Variants in SHQ1 observed in about 807,000 individuals in gnomAD.
The protein encoded by SHQ1 is SHQ1, H/ACA ribonucleoprotein assembly factor, also known as protein SHQ1 homolog.
SHQ1 carries 49 observed loss-of-function variants against 53.8 expected under a neutral mutation model. The ratio of observed to expected loss-of-function variants is 0.91; its 90% CI spans 0.72 to 1.16. The LOEUF is 1.16. Among genes scored for constraint, SHQ1 ranks in the 50% most tolerant of loss-of-function variants. SHQ1 has a pLI of 0.00. For synonymous variants in SHQ1, 243 were observed against 251.0 expected, an observed-to-expected ratio of 0.97 and a Z score of 0.30; for missense variants, 738 against 683.1, an observed-to-expected ratio of 1.08 and a Z score of -0.90.
intron 10 of SHQ1, chr3:72,772,936 G>C: frequency 1.1e-6 from 1 of 871,240 alleles, no homozygotes; most frequent in Non-Finnish European, 1.9e-6. Flanking sequence ...TGACCAGCAT[G>C]AAGAATCGGA....
chr3:72,812,923 A>AG (rs576861735), intron 8 of SHQ1, 129 bp from the exon 9 acceptor site: 54 of 927,434 alleles, frequency 5.8e-5, no homozygotes, highest in Non-Finnish European at 6.6e-5. Context: ...CAAGTAGAAG[A>AG]GAAACATAAA....
At chr3:72,814,637 T>C (rs965860563) in intron 8 of SHQ1, 2 of 152,238 alleles carry the variant, frequency 1.3e-5, no homozygotes, top group Non-Finnish European at 2.9e-5. Flanking sequence ...ACTGATGATA[T>C]AATCTCGATA....
At chr3:72,803,737 G>A (rs1706859715) in intron 9 of SHQ1, among the ~76,000 whole-genome samples, 2 of 152,328 alleles carry the variant, frequency 1.3e-5, no homozygotes, top group South Asian at 4.1e-4. Flanking sequence ...CAATATGTAA[G>A]TGAATGAGCC....
At chr3:72,763,694 G>A (rs964288872) in intron 10 of SHQ1, among the ~76,000 whole-genome samples, 2 of 152,224 alleles carry the variant, frequency 1.3e-5, no homozygotes, top group African/African-American at 4.8e-5. Context: ...GAAGACAGAG[G>A]CAGAGATTGG....
chr3:72,727,390 C>A, the SHQ1 span, among the ~76,000 whole-genome samples: 1 of 152,104 alleles, frequency 6.6e-6, no homozygotes, highest in East Asian at 1.9e-4. Flanking sequence ...AACAACCCTC[C>A]GGAGGTCTAC....
chr3:72,812,018 A>C (rs911284437), intron 9 of SHQ1, among the ~76,000 whole-genome samples: 1 of 152,218 alleles, frequency 6.6e-6, no homozygotes, highest in East Asian at 1.9e-4. Context: ...TTATATACTT[A>C]TTCTAATGAT....
chr3:72,772,734 T>C (rs1312048262), intron 10 of SHQ1: 5 of 741,280 alleles, frequency 6.7e-6, no homozygotes, highest in Non-Finnish European at 1.3e-5. Flanking sequence ...CTATTGATGC[T>C]ACTCCCGTGG....
intron 5 of SHQ1, among the ~76,000 whole-genome samples, chr3:72,830,976 G>A (rs1181186095): frequency 1.3e-5 from 2 of 152,282 alleles, no homozygotes; most frequent in East Asian, 3.9e-4. Context: ...TGAAATTTCA[G>A]TCTTGTAAAG....
chr3:72,761,890 A>C (rs1463019734), intron 10 of SHQ1, among the ~76,000 whole-genome samples: 1 of 152,190 alleles, frequency 6.6e-6, no homozygotes, highest in Non-Finnish European at 1.5e-5. Context: ...TTATATAGAG[A>C]GTCATTTACT....
In SHQ1 at chr3:72,844,309, A is replaced by G. The variant is rs11929435; in HGVS notation, c.208+50T>C. On this transcript the variant is annotated intron_variant, in intron 2 of 10. Coordinates refer to ENST00000325599, the MANE Select transcript of SHQ1 (RefSeq NM_018130.3). ...TATCTTGTAAGATTATTATGTAAATAATGTGAAAAATCCCAAGAAATAAAC... is the reference window on the plus strand; with the variant it reads ...TATCTTGTAAGATTATTATGTAAATGATGTGAAAAATCCCAAGAAATAAAC... The G allele has an allele frequency of 3.4e-6, 5 of 1,452,622 alleles. No individual in the cohort carries two copies. The African/African-American group carries it at 7.0e-5, about 20-fold the overall frequency. 90.0% of individuals were successfully genotyped at this position (1,452,622 alleles called of 1,614,324 possible).
At chr3:72,846,158 T>A (rs553389560) in intron 1 of SHQ1, 1 of 1,507,806 alleles carries the variant, frequency 6.6e-7, no homozygotes, top group East Asian at 2.5e-5. Context: ...TCCCTTCCCC[T>A]AAACTCTATA....
intron 9 of SHQ1, chr3:72,793,480 C>T (rs1706507094): frequency 1.4e-5 from 2 of 146,472 alleles, no homozygotes; most frequent in African/African-American, 5.1e-5. Context: ...GCACTCCAGC[C>T]TGGGCGACAG....
chr3:72,836,357 C>T (rs1054269595), intron 4 of SHQ1, among the ~76,000 whole-genome samples: 6 of 152,096 alleles, frequency 3.9e-5, no homozygotes, highest in African/African-American at 7.2e-5. Flanking sequence ...GGTGTGGTGG[C>T]GGGCACCTGT....
chr3:72,771,967 T>G (rs1367514377), intron 10 of SHQ1, among the ~76,000 whole-genome samples: 6 of 152,150 alleles, frequency 3.9e-5, no homozygotes, highest in African/African-American at 1.4e-4. Flanking sequence ...GAGTCAGCCA[T>G]GCCAAGACTA....
Position 72,848,300 on chromosome 3 carries a change from A to G in SHQ1, c.41T>C (p.Phe14Ser). ...GGGCACGCGGATGGCGATAGTCAGG[A>G]AGTCCGGATCCTGGCTGAGGTCGAA... ...PAFDLSQDPD[F>S]LTIAIRVPYA... Residue 14 changes from phenylalanine (F) to serine (S), a missense_variant, in exon 1 of 11, where the codon TTC (phenylalanine) becomes TCC (serine). Coordinates refer to ENST00000325599, the MANE Select transcript of SHQ1 (RefSeq NM_018130.3). 6.2e-7 allele frequency: 1 copy of G among 1,614,136 alleles called. No individual in the cohort carries two copies. Among genetic ancestry groups the G allele is most frequent in the Admixed American group, 1.7e-5 (1 of 60,022 alleles).
the SHQ1 span, among the ~76,000 whole-genome samples, chr3:72,737,925 G>A: frequency 6.6e-6 from 1 of 152,198 alleles, no homozygotes; most frequent in African/African-American, 2.4e-5. Context: ...AGTGAATTGA[G>A]TTCTCCCTTT....
At chr3:72,738,346 G>C in the SHQ1 span, among the ~76,000 whole-genome samples, 1 of 152,122 alleles carries the variant, frequency 6.6e-6, no homozygotes, top group Non-Finnish European at 1.5e-5. Context: ...GGCACCTGAG[G>C]GCTGTTATTG....
intron 9 of SHQ1, among the ~76,000 whole-genome samples, chr3:72,810,234 G>T (rs147792376): frequency 1.3e-5 from 2 of 152,294 alleles, no homozygotes; most frequent in African/African-American, 2.4e-5. Flanking sequence ...GGCAAAGCAG[G>T]ATTTCCTGCC....
At chr3:72,729,981 G>A in the SHQ1 span, among the ~76,000 whole-genome samples, 1 of 152,008 alleles carries the variant, frequency 6.6e-6, no homozygotes, top group African/African-American at 2.4e-5. Context: ...ACCTCACCAG[G>A]CTAATTTTTT....
Sources: gnomAD v4.1 joint callset for allele counts (sites outside exome capture counted in the v4.1 genomes callset) on GRCh38, gnomAD v4.1.1 for gene constraint, MANE v1.5 for transcripts, NCBI Gene and HGNC (gene_info 2026-07-23, HGNC 2026-07-21) for gene names.